PDE4D: variants seen among roughly 807,000 people sequenced by gnomAD.
PDE4D encodes 3',5'-cyclic-AMP phosphodiesterase 4D.
In PDE4D, 24 loss-of-function variants were observed where a neutral mutation model predicts 87.4. The ratio of observed to expected loss-of-function variants is 0.27; its 90% CI spans 0.20 to 0.39. PDE4D has a LOEUF of 0.39. Ranked by LOEUF, PDE4D falls within the 10% of genes least tolerant of loss-of-function variation. PDE4D has a pLI of 1.00. For synonymous variants in PDE4D, 384 were observed against 383.2 expected, an observed-to-expected ratio of 1.00 and a Z score of -0.02; for missense variants, 714 against 1,041.0, an observed-to-expected ratio of 0.69 and a Z score of 4.32.
intron 2 of PDE4D, among the ~76,000 whole-genome samples, chr5:60,040,807 T>C (rs976079859): frequency 1.2e-4 from 18 of 152,294 alleles, no homozygotes; most frequent in Admixed American, 3.9e-4. Flanking sequence ...TTACCCTAAA[T>C]GTTAATTCTT....
At chr5:60,317,812 T>G (rs1380669326) in intron 1 of PDE4D, among the ~76,000 whole-genome samples, 1 of 152,242 alleles carries the variant, frequency 6.6e-6, no homozygotes, top group Admixed American at 6.5e-5. Flanking sequence ...GTGAGTTTCT[T>G]AATCCTGAGT....
At chr5:59,312,783 A>G (rs1428744215) in intron 1 of PDE4D, among the ~76,000 whole-genome samples, 1 of 152,192 alleles carries the variant, frequency 6.6e-6, no homozygotes, top group Non-Finnish European at 1.5e-5. Flanking sequence ...GACAGGGCTA[A>G]GGAAAAGGAG....
At chr5:60,227,373 T>A (rs1745239025) in intron 1 of PDE4D, among the ~76,000 whole-genome samples, 1 of 152,068 alleles carries the variant, frequency 6.6e-6, no homozygotes, top group South Asian at 2.1e-4. Flanking sequence ...TTTCATACGA[T>A]TCCCAGAATG....
chr5:59,657,473 A>G (rs1580207789), intron 1 of PDE4D, among the ~76,000 whole-genome samples: 1 of 152,172 alleles, frequency 6.6e-6, no homozygotes, highest in East Asian at 1.9e-4. Flanking sequence ...AAATCACTGA[A>G]CAGATTAAAG....
rs200979034 is a variant in PDE4D, at chr5:60,148,845, AG to A, written c.42+36711del. ...TTGAATAGAACATGGCCATTTTCTA[AG>A]CCAGACTTGCAAAAAATTCCTGTAT... is the stretch of plus-strand genomic sequence containing the variant. On this transcript the variant is annotated intron_variant, in intron 2 of 16. Transcript: ENST00000502484. 6.1e-3 allele frequency among the ~76,000 whole-genome samples: 923 copies of A among 152,346 alleles called. 8 individuals carry two copies. Among genetic ancestry groups the A allele is most frequent in the African/African-American group, 0.021 (879 of 41,578 alleles).
In PDE4D at chr5:60,074,785, GTTAGT is replaced by G. The variant is rs530207476; in HGVS notation, c.43-86073_43-86069del. 2.6e-3 allele frequency among the ~76,000 whole-genome samples: 399 copies of G among 152,086 alleles called. 2 individuals carry two copies. Among genetic ancestry groups the G allele is most frequent in the African/African-American group, 9.3e-3 (384 of 41,472 alleles). On this transcript the variant is annotated intron_variant, in intron 2 of 16. Transcript: ENST00000502484. The stretch of plus-strand genomic sequence containing the variant: ...TCCTTCTTCATCTTTTTTGAGCTTC[GTTAGT>G]TTAAAGTCTGTTTTGTCTGAAATTA...
At chr5:59,269,967 G>A (rs1004516952) in intron 1 of PDE4D, among the ~76,000 whole-genome samples, 1 of 152,034 alleles carries the variant, frequency 6.6e-6, no homozygotes, top group East Asian at 1.9e-4. Context: ...GGGACTAGGT[G>A]ACTCCTCCAG....
chr5:60,003,450 G>A lies in PDE4D; in HGVS notation c.43-14733C>T, dbSNP rs540608685. Among the ~76,000 whole-genome samples, 8 of 152,078 alleles carry A rather than the reference G, an allele frequency of 5.3e-5. No homozygotes were observed. In the South Asian group the frequency reaches 8.3e-4, roughly 16 times the overall value. On this transcript the variant is annotated intron_variant, in intron 2 of 16. Coordinates refer to the PDE4D transcript ENST00000502484. ...AGAATGGCTGGGCGTGGTGACTCACGCCTGTAATCCCAGCACTTTGGGAGG... is the reference window on the plus strand; with the variant it reads ...AGAATGGCTGGGCGTGGTGACTCACACCTGTAATCCCAGCACTTTGGGAGG...
chr5:59,595,463 C>G (rs545495415), intron 1 of PDE4D, among the ~76,000 whole-genome samples: 1 of 152,294 alleles, frequency 6.6e-6, no homozygotes, highest in South Asian at 2.1e-4. Context: ...TCTTCCTCCC[C>G]TCCAGGAATA....
chr5:59,148,968 G>T (rs899098134), intron 5 of PDE4D, among the ~76,000 whole-genome samples: 2 of 152,116 alleles, frequency 1.3e-5, no homozygotes, highest in African/African-American at 4.8e-5. Context: ...CTTGTGCTCA[G>T]CTTGGGCCTG....
chr5:60,173,162 TTG>T (rs1783619401), intron 2 of PDE4D, among the ~76,000 whole-genome samples: 2 of 152,200 alleles, frequency 1.3e-5, no homozygotes, highest in East Asian at 1.9e-4. Flanking sequence ...ACAGTTACAT[TTG>T]TGTGGCTCCA....
intron 1 of PDE4D, among the ~76,000 whole-genome samples, chr5:59,812,971 CATA>C (rs1333315180): frequency 6.6e-6 from 1 of 152,220 alleles, no homozygotes; most frequent in Non-Finnish European, 1.5e-5. Context: ...AAGTGGGAGA[CATA>C]ATAATATTCC....
chr5:59,704,248 A>G (rs1753045151), intron 1 of PDE4D, among the ~76,000 whole-genome samples: 1 of 152,154 alleles, frequency 6.6e-6, no homozygotes, highest in Non-Finnish European at 1.5e-5. Context: ...CAAATATCCT[A>G]CTTTATTAAA....
chr5:59,264,627 A>AT (rs1237106632), intron 1 of PDE4D, among the ~76,000 whole-genome samples: 1 of 151,784 alleles, frequency 6.6e-6, no homozygotes, highest in Non-Finnish European at 1.5e-5. Context: ...TTAATGGTTA[A>AT]TTTTTTTTCC....
At chr5:59,236,107 T>C (rs1392842435) in intron 1 of PDE4D, among the ~76,000 whole-genome samples, 1 of 152,194 alleles carries the variant, frequency 6.6e-6, no homozygotes, top group Non-Finnish European at 1.5e-5. Context: ...AATTATCTTG[T>C]CACCCAAGTA....
At chr5:58,996,851 G>T (rs1749345913) in intron 6 of PDE4D, among the ~76,000 whole-genome samples, 3 of 152,086 alleles carry the variant, frequency 2.0e-5, no homozygotes, top group African/African-American at 7.2e-5. Flanking sequence ...CCAGTGAAAG[G>T]AATCTAAATA....
intron 1 of PDE4D, among the ~76,000 whole-genome samples, chr5:59,579,245 C>A (rs1321421637): frequency 6.6e-6 from 1 of 152,102 alleles, no homozygotes; most frequent in Non-Finnish European, 1.5e-5. Context: ...GTTTCTGTGG[C>A]TGTTCTCCAG....
At chr5:59,586,285 A>G in intron 1 of PDE4D, 8 of 1,420,166 alleles carry the variant, frequency 5.6e-6, no homozygotes, top group Non-Finnish European at 8.0e-6. Flanking sequence ...ACGGAATTTG[A>G]TAATTCTGAG....
At chr5:60,040,182 C>T (rs186616801) in intron 2 of PDE4D, among the ~76,000 whole-genome samples, 1 of 152,114 alleles carries the variant, frequency 6.6e-6, no homozygotes. Context: ...AAGCAAAATT[C>T]TTTTCTGAGT....
Sources: allele counts gnomAD v4.1 joint callset (sites outside exome capture counted in the v4.1 genomes callset), GRCh38; gene constraint gnomAD v4.1.1; transcripts MANE v1.5; gene names NCBI Gene and HGNC (gene_info 2026-07-23, HGNC 2026-07-21).